SNX29: variants seen among roughly 807,000 people sequenced by gnomAD.
The protein encoded by SNX29 is sorting nexin 29.
A neutral mutation model predicts 102.1 loss-of-function variants in SNX29; 78 were observed. That is an observed-to-expected ratio of 0.76 (90% confidence interval 0.64 to 0.92). The LOEUF (loss-of-function observed/expected upper bound fraction) is 0.92. Among genes scored for constraint, SNX29 ranks in the 40% least tolerant of loss-of-function variants. The pLI is 0.00. For synonymous variants in SNX29, 580 were observed against 414.5 expected, an observed-to-expected ratio of 1.40 and a Z score of -4.85; for missense variants, 1,280 against 1,061.7, an observed-to-expected ratio of 1.21 and a Z score of -2.86.
chr16:12,555,613 G>C (rs749123701), intron 20 of SNX29, among the ~76,000 whole-genome samples: 1 of 151,664 alleles, frequency 6.6e-6, no homozygotes. Flanking sequence ...CCTTAGTCCA[G>C]TGTGCATGCC....
intron 13 of SNX29, among the ~76,000 whole-genome samples, chr16:12,168,940 G>A (rs1271223761): frequency 2.6e-5 from 4 of 152,302 alleles, no homozygotes; most frequent in Admixed American, 2.6e-4. Flanking sequence ...GGTGAGGAGG[G>A]TGGTGGTCCC....
chr16:11,985,357 G>T (rs557456410), intron 1 of SNX29, among the ~76,000 whole-genome samples: 2 of 152,124 alleles, frequency 1.3e-5, no homozygotes, highest in Non-Finnish European at 2.9e-5. Flanking sequence ...TGTTAGCCAG[G>T]GCTCTTTTCA....
At chr16:12,251,045 C>T (rs2078406017) in intron 14 of SNX29, among the ~76,000 whole-genome samples, 1 of 152,224 alleles carries the variant, frequency 6.6e-6, no homozygotes. Flanking sequence ...GGGCTGCGGG[C>T]CATGTGGCCA....
chr16:12,172,370 C>G (rs1332139072), intron 13 of SNX29, among the ~76,000 whole-genome samples: 1 of 152,118 alleles, frequency 6.6e-6, no homozygotes, highest in East Asian at 1.9e-4. Context: ...TCATTTTACT[C>G]TTCTGCTGGG....
chr16:12,163,679 AGG>A (rs1235209979), intron 13 of SNX29, among the ~76,000 whole-genome samples: 2 of 152,142 alleles, frequency 1.3e-5, no homozygotes, highest in Non-Finnish European at 2.9e-5. Context: ...GTCTTGGTCT[AGG>A]GTGGGGTCTT....
chr16:12,434,057 A>G (rs758484263), intron 18 of SNX29, among the ~76,000 whole-genome samples: 12 of 152,104 alleles, frequency 7.9e-5, no homozygotes, highest in Non-Finnish European at 1.5e-4. Context: ...CCAGACCTAG[A>G]TCAAGGTTGA....
At chr16:12,437,957 C>T (rs1050829922) in intron 18 of SNX29, among the ~76,000 whole-genome samples, 2 of 152,140 alleles carry the variant, frequency 1.3e-5, no homozygotes, top group African/African-American at 4.8e-5. Flanking sequence ...CCAGGCCCAG[C>T]TCTGCCTGGT....
chr16:12,546,701 TTAAAGC>T, intron 20 of SNX29: 1 of 152,314 alleles, frequency 6.6e-6, no homozygotes, highest in Middle Eastern at 3.4e-3. Flanking sequence ...CCCACTGTGA[TTAAAGC>T]TATTATTTTG....
At chr16:12,027,246 C>T (rs2057219506) in intron 3 of SNX29, 74 bp from the exon 4 acceptor site, 1 of 1,588,758 alleles carries the variant, frequency 6.3e-7, no homozygotes, top group Non-Finnish European at 8.6e-7. Flanking sequence ...TACTCACTTC[C>T]TGGAGATGCT....
chr16:12,058,290 C>T (rs1231433564), intron 8 of SNX29, among the ~76,000 whole-genome samples: 1 of 152,078 alleles, frequency 6.6e-6, no homozygotes, highest in South Asian at 2.1e-4. Context: ...TTTATTTTTT[C>T]TCTCTCTTCT....
At chr16:12,560,305 A>G (rs2078650148) in intron 20 of SNX29, among the ~76,000 whole-genome samples, 1 of 152,098 alleles carries the variant, frequency 6.6e-6, no homozygotes, top group South Asian at 2.1e-4. Context: ...GCACACTCAA[A>G]ATGTCATGAA....
chr16:12,527,167 G>A (rs527321489), intron 20 of SNX29: 4 of 521,042 alleles, frequency 7.7e-6, no homozygotes, highest in Admixed American at 6.9e-5. Flanking sequence ...TCCTTTTTGA[G>A]CAGGATGGGA....
In SNX29 at chr16:12,570,147, T is replaced by C. The variant is rs962743732; in HGVS notation, c.*1518T>C. ...GGCCTTTAAGGAAGGCTGAGATCAC[T>C]CACACACAGCGCCCCCCCACCCCAG... is the stretch of plus-strand genomic sequence containing the variant. On this transcript the variant is annotated 3_prime_UTR_variant, in exon 21 of 21. Coordinates refer to ENST00000566228, the MANE Select transcript of SNX29 (RefSeq NM_032167.5). 2.1e-5 allele frequency: 22 copies of C among 1,063,288 alleles called. No homozygotes were observed. Among genetic ancestry groups the C allele is most frequent in the East Asian group, 5.0e-5 (1 of 19,994 alleles). 65.9% of individuals were successfully genotyped at this position (1,063,288 alleles called of 1,614,324 possible).
intron 3 of SNX29, among the ~76,000 whole-genome samples, chr16:12,011,314 C>T (rs765898421): frequency 1.3e-4 from 19 of 149,410 alleles, no homozygotes; most frequent in Non-Finnish European, 2.5e-4. Context: ...CGCACTCTGT[C>T]GCCCAGGCTG....
chr16:12,506,298 G>C (rs2089375354), intron 19 of SNX29, among the ~76,000 whole-genome samples: 1 of 152,084 alleles, frequency 6.6e-6, no homozygotes, highest in South Asian at 2.1e-4. Flanking sequence ...TGTATCCAGG[G>C]GGACAACACC....
chr16:12,219,258 C>CTT (rs111884811), intron 14 of SNX29, among the ~76,000 whole-genome samples: 13 of 144,058 alleles, frequency 9.0e-5, no homozygotes, highest in Admixed American at 4.2e-4. Context: ...TCTACATCAT[C>CTT]TTTTTTTTTT....
chr16:12,535,520 A>G (rs1239684838), intron 20 of SNX29, among the ~76,000 whole-genome samples: 1 of 152,190 alleles, frequency 6.6e-6, no homozygotes, highest in Non-Finnish European at 1.5e-5. Context: ...CACAGAGTGA[A>G]GTGGCCAAGC....
chr16:12,562,937 T>C (rs1017711567), intron 20 of SNX29, among the ~76,000 whole-genome samples: 4 of 152,050 alleles, frequency 2.6e-5, no homozygotes, highest in Non-Finnish European at 5.9e-5. Flanking sequence ...AAAACCTGCA[T>C]AGTAAGAAGC....
chr16:12,322,728 A>G (rs1443513365), intron 15 of SNX29, among the ~76,000 whole-genome samples: 2 of 151,404 alleles, frequency 1.3e-5, no homozygotes, highest in Admixed American at 6.6e-5. Context: ...ACTGGAGACC[A>G]CCGTCAGGAT....
Sources: gnomAD v4.1 joint callset for allele counts (sites outside exome capture counted in the v4.1 genomes callset) on GRCh38, gnomAD v4.1.1 for gene constraint, MANE v1.5 for transcripts, NCBI Gene and HGNC (gene_info 2026-07-23, HGNC 2026-07-21) for gene names.